FBRSL1: variants seen among roughly 807,000 people sequenced by gnomAD.
FBRSL1 encodes fibrosin-1-like protein.
FBRSL1 carries 51 observed loss-of-function variants against 89.6 expected under a neutral mutation model. The ratio of observed to expected loss-of-function variants is 0.57; its 90% CI spans 0.45 to 0.72. The LOEUF (loss-of-function observed/expected upper bound fraction) is 0.72, where lower values mean the gene tolerates loss of function less well. Ranked by LOEUF, FBRSL1 falls within the 30% of genes least tolerant of loss-of-function variation. FBRSL1 has a pLI of 0.00. For synonymous variants in FBRSL1, 779 were observed against 681.1 expected (o/e 1.14, Z -2.24); for missense variants, 1,618 against 1,451.8 (o/e 1.11, Z -1.86).
At chr12:132,507,452 C>A in intron 1 of FBRSL1, 1 of 982,894 alleles carries the variant, frequency 1.0e-6, no homozygotes, top group Non-Finnish European at 1.2e-6. Flanking sequence ...TGCCCGATGT[C>A]CACCGGCAGG....
intron 4 of FBRSL1, among the ~76,000 whole-genome samples, chr12:132,531,594 G>T (rs1272062970): frequency 1.3e-5 from 2 of 152,158 alleles, no homozygotes; most frequent in African/African-American, 2.4e-5. Flanking sequence ...ACCTGTGTTT[G>T]TGTGTTTGCA....
intron 5 of FBRSL1, chr12:132,553,173 AGCG>A (rs2038337657): frequency 6.6e-6 from 1 of 151,800 alleles, no homozygotes; most frequent in African/African-American, 2.4e-5. Flanking sequence ...AAGTGCAGGG[AGCG>A]GCGTCCCAGG....
intron 4 of FBRSL1, among the ~76,000 whole-genome samples, chr12:132,536,352 CAA>C (rs1157650956): frequency 1.4e-5 from 2 of 147,938 alleles, no homozygotes; most frequent in South Asian, 2.2e-4. Context: ...GTGTACATGA[CAA>C]TATGATTGTG....
At chr12:132,565,354 G>A (rs888152666) in intron 5 of FBRSL1, 2 of 152,288 alleles carry the variant, frequency 1.3e-5, no homozygotes, top group Non-Finnish European at 2.9e-5. Flanking sequence ...CAACATAGAC[G>A]CCGACACGCG....
chr12:132,572,517 T>C lies in FBRSL1; in HGVS notation c.1435-10T>C. On this transcript the variant is annotated splice_polypyrimidine_tract_variant and intron_variant, in intron 10 of 18. Transcript: ENST00000680143. Reference sequence around the variant, plus strand: ...GGGCCCCCCCTCCATCCGCTCTCCTTCTCTTACAGTTCTTCCCGTCCTTCC... The same window carrying C: ...GGGCCCCCCCTCCATCCGCTCTCCTCCTCTTACAGTTCTTCCCGTCCTTCC... 1 of 1,547,966 alleles carries C rather than the reference T, an allele frequency of 6.5e-7. No homozygotes were observed. The highest frequency in any genetic ancestry group is 1.4e-5 in the African/African-American group (1 of 73,076).
chr12:132,511,115 AG>A (rs1326690085), intron 2 of FBRSL1: 13 of 985,326 alleles, frequency 1.3e-5, no homozygotes, highest in Non-Finnish European at 1.6e-5. Flanking sequence ...GTCCACCTCC[AG>A]GGCCCCCAAG....
intron 1 of FBRSL1, among the ~76,000 whole-genome samples, chr12:132,491,547 C>A (rs2030965318): frequency 2.0e-5 from 3 of 152,242 alleles, no homozygotes; most frequent in African/African-American, 7.2e-5. Context: ...TGCACCAGGG[C>A]CGAGACCCGC....
Position 132,582,960 on chromosome 12 carries a change from G to C in FBRSL1, c.2202-11G>C. 1 of 1,405,242 alleles carries C rather than the reference G, an allele frequency of 7.1e-7. No individual in the cohort carries two copies. The highest frequency in any genetic ancestry group is 1.5e-5 in the South Asian group (1 of 66,532). 87.0% of individuals were successfully genotyped at this position (1,405,242 alleles called of 1,614,324 possible). ...GTCTCGGGAGTGACGGGTCCGCCCT[G>C]CCGCCCCCAGGGACCTCCTGGAGAA... On this transcript the variant is annotated splice_polypyrimidine_tract_variant and intron_variant, in intron 18 of 18. Coordinates refer to ENST00000680143, the MANE Select transcript of FBRSL1 (RefSeq NM_001367871.1).
chr12:132,564,664 T>G lies in FBRSL1; in HGVS notation c.646-2817T>G, dbSNP rs112953212. Among the ~76,000 whole-genome samples, 247 of 88,494 alleles carry G rather than the reference T, an allele frequency of 2.8e-3. 43 individuals are homozygous for G. Among genetic ancestry groups the G allele is most frequent in the African/African-American group, 0.012 (174 of 14,838 alleles). The allele number at this position is 88,494 out of a possible 152,430, so 58.1% of individuals were successfully genotyped here. A position where few individuals can be genotyped will look rare whatever the true frequency, so the allele number is the denominator to read the frequency against. On this transcript the variant is annotated intron_variant, in intron 5 of 18. Transcript: ENST00000680143. Reference sequence around the variant, plus strand: ...GCGCCCGCCACCACGCCCGGCTAATTTTTTGTATTTTTAGTAGAGACGGGG... The same window carrying G: ...GCGCCCGCCACCACGCCCGGCTAATGTTTTGTATTTTTAGTAGAGACGGGG...
chr12:132,506,458 C>T (rs1284205660), intron 1 of FBRSL1, among the ~76,000 whole-genome samples: 1 of 152,246 alleles, frequency 6.6e-6, no homozygotes, highest in East Asian at 1.9e-4. Flanking sequence ...TGCCCTCTGC[C>T]TGTCCCCTCT....
chr12:132,529,383 A>G (rs917011580), intron 4 of FBRSL1, among the ~76,000 whole-genome samples: 1 of 152,166 alleles, frequency 6.6e-6, no homozygotes, highest in Non-Finnish European at 1.5e-5. Context: ...AGTGGACCCC[A>G]GGATCCCTGG....
intron 2 of FBRSL1, chr12:132,511,227 G>A (rs1475523231): frequency 5.1e-6 from 5 of 985,362 alleles, no homozygotes; most frequent in Non-Finnish European, 6.0e-6. Context: ...CACCCCCGTG[G>A]GCATGCACTG....
chr12:132,546,160 T>C lies in FBRSL1; in HGVS notation c.616-1843T>C, dbSNP rs1168439608. Among the ~76,000 whole-genome samples the C allele has an allele frequency of 6.6e-6, 1 of 152,238 alleles. No homozygotes were observed. Among genetic ancestry groups the C allele is most frequent in the Non-Finnish European group, 1.5e-5 (1 of 68,046 alleles). ...TTCCCCTGCCCCACGTCCTGGTCTTTGCTTCCTTTGCTCCTGGCTGAGCCT... is the reference window on the plus strand; with the variant it reads ...TTCCCCTGCCCCACGTCCTGGTCTTCGCTTCCTTTGCTCCTGGCTGAGCCT... On this transcript the variant is annotated intron_variant, in intron 4 of 18. Coordinates refer to ENST00000680143, the MANE Select transcript of FBRSL1 (RefSeq NM_001367871.1). The surrounding 1 kb of genome is among the most constrained non-coding windows in gnomAD (Gnocchi z 4.0).
At chr12:132,527,492 C>T (rs986453753) in intron 3 of FBRSL1, among the ~76,000 whole-genome samples, 11 of 152,220 alleles carry the variant, frequency 7.2e-5, no homozygotes, top group Admixed American at 1.3e-4. Flanking sequence ...CTCCTCCCTG[C>T]GGCCTCAGCC....
At chr12:132,512,822 T>C (rs2323991) in intron 2 of FBRSL1, among the ~76,000 whole-genome samples, 135,341 of 152,236 alleles carry the variant, frequency 0.89, 61,279 homozygotes, top group Non-Finnish European at 0.99. Context: ...CCTGGGTCCC[T>C]GTGGCCAACA....
In FBRSL1 at chr12:132,571,048, G is replaced by A. The variant is rs527648002; in HGVS notation, c.1214-20G>A. 5.1e-5 allele frequency: 67 copies of A among 1,313,458 alleles called. No homozygotes were observed. The highest frequency in any genetic ancestry group is 2.6e-4 in the East Asian group (9 of 34,458). 81.4% of individuals were successfully genotyped at this position (1,313,458 alleles called of 1,614,324 possible). On this transcript the variant is annotated intron_variant, in intron 8 of 18. Coordinates refer to ENST00000680143, the MANE Select transcript of FBRSL1 (RefSeq NM_001367871.1). ...CCTGGCTCCCGGGGAGGGGCTCACCGTGTTCTCTCTTGCCTCTAGATGCCA... is the reference window on the plus strand; with the variant it reads ...CCTGGCTCCCGGGGAGGGGCTCACCATGTTCTCTCTTGCCTCTAGATGCCA...
chr12:132,503,456 G>A (rs919226918), intron 1 of FBRSL1, among the ~76,000 whole-genome samples: 26 of 152,278 alleles, frequency 1.7e-4, no homozygotes, highest in East Asian at 9.6e-4. Context: ...GACATGGGAC[G>A]CCCTGGGCGG....
chr12:132,513,709 T>G (rs118159529), intron 2 of FBRSL1, among the ~76,000 whole-genome samples: 3,533 of 151,956 alleles, frequency 0.023, 161 homozygotes, highest in Admixed American at 0.11. Context: ...GTGGTTGGTT[T>G]GTTGTTGGGG....
chr12:132,580,792 C>G (rs776661706), intron 15 of FBRSL1: 81 of 985,330 alleles, frequency 8.2e-5, no homozygotes, highest in Non-Finnish European at 9.2e-5. Context: ...CTGGTCTTTA[C>G]CAGAAACCTG....
Sources: gnomAD v4.1 joint callset for allele counts (sites outside exome capture counted in the v4.1 genomes callset) on GRCh38, gnomAD v4.1.1 for gene constraint, Gnocchi (gnomAD v3.1) non-coding constraint, MANE v1.5 for transcripts, NCBI Gene and HGNC (gene_info 2026-07-23, HGNC 2026-07-21) for gene names.